TAFA1: variants seen among roughly 807,000 people sequenced by gnomAD.
TAFA1 encodes chemokine-like protein TAFA-1.
TAFA1 carries 4 observed loss-of-function variants against 18.5 expected under a neutral mutation model. That is an observed-to-expected ratio of 0.22 (90% CI 0.11 to 0.49). The LOEUF (loss-of-function observed/expected upper bound fraction) is 0.49. Ranked by LOEUF, TAFA1 falls within the 20% of genes least tolerant of loss-of-function variation. The probability of loss-of-function intolerance (pLI) is 0.98; values close to 1 mark genes in which losing one functional copy is unlikely to be tolerated. For missense variants in TAFA1, 147 were observed against 169.0 expected (o/e 0.87, Z 0.72); for synonymous variants, 56 against 55.2 (o/e 1.01, Z -0.06).
At chr3:68,163,426 A>G (rs1293072524) in intron 2 of TAFA1, among the ~76,000 whole-genome samples, 4 of 152,200 alleles carry the variant, frequency 2.6e-5, no homozygotes, top group Non-Finnish European at 5.9e-5. Flanking sequence ...TGTCTGATGA[A>G]GTTGATGCTG....
At chr3:68,198,054 G>C (rs948649698) in intron 2 of TAFA1, among the ~76,000 whole-genome samples, 2 of 151,646 alleles carry the variant, frequency 1.3e-5, no homozygotes, top group Non-Finnish European at 3.0e-5. Context: ...TGGGGTATTA[G>C]TCGTTAAAAA....
At chr3:68,519,159 A>G (rs2072975437) in intron 3 of TAFA1, among the ~76,000 whole-genome samples, 2 of 152,176 alleles carry the variant, frequency 1.3e-5, no homozygotes, top group African/African-American at 4.8e-5. Context: ...CCTAATCACC[A>G]ATGTGATGAT....
chr3:68,169,978 C>T (rs1019643158), intron 2 of TAFA1, among the ~76,000 whole-genome samples: 2 of 152,160 alleles, frequency 1.3e-5, no homozygotes, highest in Non-Finnish European at 2.9e-5. Context: ...TCCCCAAAAT[C>T]TGCTTCTCCA....
intron 2 of TAFA1, among the ~76,000 whole-genome samples, chr3:68,395,288 A>G (rs1455403006): frequency 6.6e-6 from 1 of 152,192 alleles, no homozygotes; most frequent in Non-Finnish European, 1.5e-5. Flanking sequence ...AAGTCAGGAA[A>G]CAACAGGTGC....
At chr3:68,469,526 A>G (rs2071955837) in intron 3 of TAFA1, among the ~76,000 whole-genome samples, 1 of 152,092 alleles carries the variant, frequency 6.6e-6, no homozygotes. Flanking sequence ...TACAAAAATT[A>G]GCTGGGCGTG....
At chr3:68,064,631 A>T (rs550196059) in intron 2 of TAFA1, among the ~76,000 whole-genome samples, 28 of 152,246 alleles carry the variant, frequency 1.8e-4, no homozygotes, top group African/African-American at 6.5e-4. Context: ...TTAACACATG[A>T]CAAATGAGCA....
intron 2 of TAFA1, among the ~76,000 whole-genome samples, chr3:68,254,465 G>C (rs1323978717): frequency 6.6e-6 from 1 of 151,974 alleles, no homozygotes; most frequent in Non-Finnish European, 1.5e-5. Context: ...CTGGAAGAAA[G>C]ATACTTGTAA....
intron 2 of TAFA1, among the ~76,000 whole-genome samples, chr3:68,152,641 C>T (rs2065820109): frequency 6.6e-6 from 1 of 152,102 alleles, no homozygotes. Flanking sequence ...GATCTAGGTG[C>T]TCAACCATAA....
At chr3:68,015,964 A>G (rs1380254492) in intron 2 of TAFA1, among the ~76,000 whole-genome samples, 7 of 152,224 alleles carry the variant, frequency 4.6e-5, no homozygotes, top group Admixed American at 6.5e-5. Context: ...TATGCAAAGA[A>G]TTAGAATTCA....
At chr3:68,357,312 A>G (rs1018499188) in intron 2 of TAFA1, among the ~76,000 whole-genome samples, 28 of 151,874 alleles carry the variant, frequency 1.8e-4, no homozygotes, top group Non-Finnish European at 3.5e-4. Context: ...TTCATTATGT[A>G]TATATTTGTT....
At chr3:68,162,726 C>T (rs2065940380) in intron 2 of TAFA1, among the ~76,000 whole-genome samples, 1 of 152,144 alleles carries the variant, frequency 6.6e-6, no homozygotes, top group African/African-American at 2.4e-5. Context: ...ATTCTGAAAA[C>T]ACTCCAAGTG....
intron 3 of TAFA1, among the ~76,000 whole-genome samples, chr3:68,457,217 C>T (rs1367585594): frequency 1.3e-5 from 2 of 152,188 alleles, no homozygotes; most frequent in Admixed American, 6.6e-5. Context: ...ATTAATAGTG[C>T]ATGTTTATCT....
At chr3:68,246,710 C>T (rs190260030) in intron 2 of TAFA1, 36 of 149,314 alleles carry the variant, frequency 2.4e-4, no homozygotes, top group African/African-American at 8.1e-4. Flanking sequence ...AATGACAAAG[C>T]ACTATCTCCA....
chr3:68,086,606 G>T (rs1015320747), intron 2 of TAFA1, among the ~76,000 whole-genome samples: 1 of 152,122 alleles, frequency 6.6e-6, no homozygotes, highest in Non-Finnish European at 1.5e-5. Context: ...GAATTACTGG[G>T]ATATTTTAAA....
chr3:68,292,646 C>T lies in TAFA1; in HGVS notation c.119-124634C>T, dbSNP rs150085883. On this transcript the variant is annotated intron_variant, in intron 2 of 4. Coordinates refer to ENST00000478136, the MANE Select transcript of TAFA1 (RefSeq NM_213609.4). ...GGCTCAAGTGATCCTCCTGCCTCAA[C>T]CTTCCAAGTAGGTGGGACTTCAGGT... 2.4e-3 allele frequency among the ~76,000 whole-genome samples: 363 copies of T among 152,260 alleles called. 6 individuals are homozygous for T. The highest frequency in any genetic ancestry group is 8.3e-3 in the African/African-American group (346 of 41,556).
chr3:68,390,754 G>A (rs1391653869), intron 2 of TAFA1, among the ~76,000 whole-genome samples: 2 of 152,218 alleles, frequency 1.3e-5, no homozygotes, highest in African/African-American at 4.8e-5. Flanking sequence ...CAGATCTGCA[G>A]AAGAGGGATC....
At chr3:68,318,336 T>G (rs1250750932) in intron 2 of TAFA1, among the ~76,000 whole-genome samples, 1 of 152,120 alleles carries the variant, frequency 6.6e-6, no homozygotes, top group African/African-American at 2.4e-5. Flanking sequence ...TTATGGAAAA[T>G]ATTTGAATAT....
intron 3 of TAFA1, among the ~76,000 whole-genome samples, chr3:68,508,911 T>C (rs2072805991): frequency 6.7e-6 from 1 of 150,198 alleles, no homozygotes; most frequent in Non-Finnish European, 1.5e-5. Flanking sequence ...GGGAAGAGAA[T>C]TGAGACAACA....
chr3:68,393,172 A>G (rs1023268097), intron 2 of TAFA1, among the ~76,000 whole-genome samples: 3 of 152,136 alleles, frequency 2.0e-5, no homozygotes, highest in African/African-American at 7.2e-5. Context: ...GATAAAGGGA[A>G]TATCACCACC....
Sources: allele counts gnomAD v4.1 joint callset (sites outside exome capture counted in the v4.1 genomes callset), GRCh38; gene constraint gnomAD v4.1.1; transcripts MANE v1.5; gene names NCBI Gene and HGNC (gene_info 2026-07-23, HGNC 2026-07-21).